The following CERS6 variants were observed in gnomAD, a reference collection of about 807,000 sequenced individuals.
The protein encoded by CERS6 is ceramide synthase 6.
A neutral mutation model predicts 56.8 loss-of-function variants in CERS6; 26 were observed. That is an observed-to-expected ratio of 0.46 (90% CI 0.34 to 0.63). The LOEUF (loss-of-function observed/expected upper bound fraction) is 0.63, where lower values mean the gene tolerates loss of function less well. CERS6 is among the 30% of genes least tolerant of loss of function. CERS6 has a pLI of 0.01. For synonymous variants in CERS6, 164 were observed against 173.3 expected (o/e 0.95, Z 0.42); for missense variants, 415 against 467.5 (o/e 0.89, Z 1.04).
intron 3 of CERS6, among the ~76,000 whole-genome samples, chr2:168,612,287 G>C (rs1684208484): frequency 6.6e-6 from 1 of 152,206 alleles, no homozygotes; most frequent in African/African-American, 2.4e-5. Context: ...GAAGATTTAA[G>C]ACACAGATCT....
chr2:168,672,571 G>A (rs769444213), intron 4 of CERS6, among the ~76,000 whole-genome samples: 2 of 152,178 alleles, frequency 1.3e-5, no homozygotes, highest in Non-Finnish European at 2.9e-5. Context: ...GTAGACTGTG[G>A]CTACTTGGCC....
intron 3 of CERS6, among the ~76,000 whole-genome samples, chr2:168,620,402 A>G (rs529325215): frequency 5.3e-5 from 8 of 152,264 alleles, no homozygotes; most frequent in African/African-American, 1.7e-4. Flanking sequence ...AATAACACCT[A>G]TTCCTCAAAA....
intron 8 of CERS6, among the ~76,000 whole-genome samples, chr2:168,735,255 A>G (rs762258927): frequency 1.3e-4 from 20 of 152,088 alleles, no homozygotes; most frequent in Non-Finnish European, 2.5e-4. Flanking sequence ...ACTTCATGCC[A>G]TATAATACTT....
intron 1 of CERS6, among the ~76,000 whole-genome samples, chr2:168,489,643 A>G (rs1694333626): frequency 1.3e-5 from 2 of 151,858 alleles, no homozygotes; most frequent in South Asian, 4.2e-4. Flanking sequence ...TTCTTCGGTT[A>G]TATATATATT....
intron 3 of CERS6, among the ~76,000 whole-genome samples, chr2:168,589,035 C>G (rs968690088): frequency 2.6e-5 from 4 of 152,236 alleles, no homozygotes; most frequent in African/African-American, 9.6e-5. Context: ...CCACCACGCA[C>G]AGCCCCTGCT....
intron 3 of CERS6, among the ~76,000 whole-genome samples, chr2:168,607,753 AG>A (rs1457499184): frequency 7.2e-5 from 11 of 152,340 alleles, no homozygotes; most frequent in African/African-American, 2.6e-4. Context: ...AAAGTATAAA[AG>A]GTTTGCTGCA....
chr2:168,572,649 C>T (rs1159000731), intron 3 of CERS6, among the ~76,000 whole-genome samples: 1 of 152,136 alleles, frequency 6.6e-6, no homozygotes, highest in African/African-American at 2.4e-5. Context: ...CCTCCTTTCT[C>T]TTTCCTTTCC....
intron 4 of CERS6, among the ~76,000 whole-genome samples, chr2:168,670,966 T>TTCCCCCCC (rs1685893976): frequency 6.5e-5 from 2 of 30,566 alleles, no homozygotes; most frequent in Non-Finnish European, 2.6e-4. Context: ...GATACATGCT[T>TTCCCCCCC]CCCCCCCCCC....
chr2:168,513,636 T>C (rs1220962026), intron 1 of CERS6, among the ~76,000 whole-genome samples: 2 of 152,224 alleles, frequency 1.3e-5, no homozygotes, highest in Admixed American at 1.3e-4. Context: ...ACCGTGGATG[T>C]TGACCCCGCT....
chr2:168,732,968 G>T (rs370478227), intron 8 of CERS6, among the ~76,000 whole-genome samples: 4 of 152,016 alleles, frequency 2.6e-5, no homozygotes, highest in Admixed American at 1.3e-4. Context: ...ATTTACGTAT[G>T]TAAAAAAAAA....
At chr2:168,614,792 G>A (rs1019861887) in intron 3 of CERS6, among the ~76,000 whole-genome samples, 3 of 152,084 alleles carry the variant, frequency 2.0e-5, no homozygotes, top group Non-Finnish European at 4.4e-5. Flanking sequence ...GCTCACTCTA[G>A]TAGCTGAAGA....
At chr2:168,472,964 A>G (rs1471892958) in intron 1 of CERS6, among the ~76,000 whole-genome samples, 1 of 152,210 alleles carries the variant, frequency 6.6e-6, no homozygotes, top group Non-Finnish European at 1.5e-5. Context: ...TTTGCAAATA[A>G]TGTCTTTAAA....
chr2:168,765,564 T>C (rs1166390426), intron 8 of CERS6, 28 bp from the exon 9 acceptor site: 24 of 1,606,068 alleles, frequency 1.5e-5, no homozygotes, highest in Non-Finnish European at 2.0e-5. Flanking sequence ...AATGCCACAT[T>C]CACTAATCAC....
chr2:168,643,078 C>T (rs528299989), intron 4 of CERS6, among the ~76,000 whole-genome samples: 1 of 152,306 alleles, frequency 6.6e-6, no homozygotes, highest in East Asian at 1.9e-4. Flanking sequence ...GTGTTCTGCC[C>T]ACGTGTGTGT....
intron 8 of CERS6, among the ~76,000 whole-genome samples, chr2:168,748,761 A>G (rs970646310): frequency 2.7e-5 from 4 of 146,904 alleles, no homozygotes; most frequent in African/African-American, 1.0e-4. Flanking sequence ...CCCTCTCCCA[A>G]GGTCTACGGC....
chr2:168,478,818 C>T (rs1011394976), intron 1 of CERS6, among the ~76,000 whole-genome samples: 24 of 152,006 alleles, frequency 1.6e-4, no homozygotes, highest in African/African-American at 5.8e-4. Flanking sequence ...AGAATTTTAC[C>T]CTGTTTAATT....
At chr2:168,530,524 T>A (rs1695147884) in intron 1 of CERS6, among the ~76,000 whole-genome samples, 1 of 152,244 alleles carries the variant, frequency 6.6e-6, no homozygotes, top group Non-Finnish European at 1.5e-5. Context: ...GATGTTTTTT[T>A]ATATCTGGTT....
At chr2:168,628,177 C>T (rs1684633090) in intron 3 of CERS6, among the ~76,000 whole-genome samples, 1 of 152,194 alleles carries the variant, frequency 6.6e-6, no homozygotes, top group Admixed American at 6.5e-5. Flanking sequence ...GAATCTTTAA[C>T]ATGCCGTTTT....
At chr2:168,711,869 C>T (rs1687100657) in intron 6 of CERS6, among the ~76,000 whole-genome samples, 1 of 152,000 alleles carries the variant, frequency 6.6e-6, no homozygotes, top group Non-Finnish European at 1.5e-5. Flanking sequence ...TTTCAGTAGT[C>T]TGGTCCTGTC....
Sources: allele counts gnomAD v4.1 joint callset (sites outside exome capture counted in the v4.1 genomes callset), GRCh38; gene constraint gnomAD v4.1.1; transcripts MANE v1.5; gene names NCBI Gene and HGNC (gene_info 2026-07-23, HGNC 2026-07-21).